The following RAI1 variants were observed in gnomAD, a reference collection of about 807,000 sequenced individuals.
The protein encoded by RAI1 is retinoic acid-induced protein 1.
A neutral mutation model predicts 123.8 loss-of-function variants in RAI1; 9 were observed. That is an observed-to-expected ratio of 0.07 (90% CI 0.04 to 0.13). The LOEUF (loss-of-function observed/expected upper bound fraction) is 0.13. Among genes scored for constraint, RAI1 ranks in the 10% least tolerant of loss-of-function variants. RAI1 has a pLI of 1.00. For missense variants in RAI1, 2,256 were observed against 2,545.8 expected, an observed-to-expected ratio of 0.89 and a Z score of 2.45; for synonymous variants, 1,231 against 1,127.3, an observed-to-expected ratio of 1.09 and a Z score of -1.84.
Position 17,796,673 on chromosome 17 carries a change from G to A in RAI1, c.3725G>A (p.Arg1242Gln), listed in dbSNP as rs370850432. 2.9e-5 allele frequency: 46 copies of A among 1,612,690 alleles called. No individual in the cohort carries two copies. Among genetic ancestry groups the A allele is most frequent in the East Asian group, 4.5e-5 (2 of 44,868 alleles). Reference sequence around the variant, plus strand: ...ACCAAGAAGCGGAACCTGGTCTTGCGGAGCCGCAGCAGCAGCAGCAGCAAC... The same window carrying A: ...ACCAAGAAGCGGAACCTGGTCTTGCAGAGCCGCAGCAGCAGCAGCAGCAAC... ...VPTKKRNLVLRSRSSSSSNAS... is the reference protein window; with the variant it reads ...VPTKKRNLVLQSRSSSSSNAS... The change falls in exon 3 of 6, where the codon CGG becomes CAG. Residue 1242 changes from arginine to glutamine, a missense_variant. Transcript: ENST00000353383. This position sits in a 1 kb window ranked among gnomAD's most constrained non-coding sequence, Gnocchi z 5.8.
At chr17:17,752,690 C>G (rs1348024012) in intron 2 of RAI1, among the ~76,000 whole-genome samples, 1 of 152,210 alleles carries the variant, frequency 6.6e-6, no homozygotes, top group Non-Finnish European at 1.5e-5. Flanking sequence ...GACCACCTTA[C>G]TTGCCACGCT....
At chr17:17,730,521 A>C (rs553041263) in intron 2 of RAI1, among the ~76,000 whole-genome samples, 12 of 152,348 alleles carry the variant, frequency 7.9e-5, no homozygotes, top group Non-Finnish European at 1.8e-4. Flanking sequence ...AGATGTTGAC[A>C]TGACACTTCC....
At chr17:17,713,211 A>G (rs1198787594) in intron 1 of RAI1, among the ~76,000 whole-genome samples, 1 of 152,226 alleles carries the variant, frequency 6.6e-6, no homozygotes, top group Non-Finnish European at 1.5e-5. Flanking sequence ...TTGGATGCAC[A>G]TAGAAAACAT....
chr17:17,762,249 C>A (rs1005015495), intron 2 of RAI1, among the ~76,000 whole-genome samples: 1 of 152,030 alleles, frequency 6.6e-6, no homozygotes, highest in Non-Finnish European at 1.5e-5. Context: ...GGGAGGGCTT[C>A]TCAGATGAGG....
chr17:17,742,752 C>A lies in RAI1; in HGVS notation c.-17+18593C>A, dbSNP rs2142971924. On this transcript the variant is annotated intron_variant, in intron 2 of 5. Coordinates refer to ENST00000353383, the MANE Select transcript of RAI1 (RefSeq NM_030665.4). ...AGACCTTCCTCCAGGCTCTGGGAAT[C>A]CCCTGCATTTCTTATCTGGTTTGGG... Among the ~76,000 whole-genome samples the A allele has an allele frequency of 2.6e-5, 4 of 152,284 alleles. No homozygotes were observed. The South Asian group carries it at 8.3e-4, about 32-fold the overall frequency.
Position 17,794,418 on chromosome 17 carries a change from C to A in RAI1, c.1470C>A (p.Ala490=). The change falls in exon 3 of 6, where the codon GCC becomes GCA. Residue 490 remains alanine, a synonymous_variant. Transcript: ENST00000353383. ...HCSPEGSGYS[A]EPAGTPLSEP... ...GCCCCGAAGGGAGCGGCTACTCAGC[C>A]GAGCCCGCAGGCACACCGCTGTCAG... The A allele has an allele frequency of 6.2e-7, 1 of 1,613,002 alleles. No homozygotes were observed. Among genetic ancestry groups the A allele is most frequent in the South Asian group, 1.1e-5 (1 of 91,092 alleles).
chr17:17,786,592 AGTT>A (rs1268934774), intron 2 of RAI1, among the ~76,000 whole-genome samples: 1 of 152,252 alleles, frequency 6.6e-6, no homozygotes, highest in African/African-American at 2.4e-5. Context: ...GAAGCTGTGT[AGTT>A]ATCTGGGAGT....
intron 1 of RAI1, among the ~76,000 whole-genome samples, chr17:17,691,217 T>TG (rs1337020016): frequency 1.3e-5 from 2 of 152,146 alleles, no homozygotes; most frequent in African/African-American, 4.8e-5. Flanking sequence ...TTGTCTCAGC[T>TG]GGGGAGGTGC....
Position 17,797,702 on chromosome 17 carries a change from G to C in RAI1, c.4754G>C (p.Arg1585Pro). Residue 1585 changes from arginine (R) to proline (P), a missense_variant, in exon 3 of 6, where the codon CGG becomes CCG. Transcript: ENST00000353383. ...CTCAAGTACATTTCCTCTTGCAAGC[G>C]GCTGAGGTCAGACAGCCGGACCCCC... Reference protein sequence around the residue: ...IRLKYISSCKRLRSDSRTPAF... With the variant: ...IRLKYISSCKPLRSDSRTPAF... 1.9e-6 allele frequency: 3 copies of C among 1,613,408 alleles called. No homozygotes were observed. Among genetic ancestry groups the C allele is most frequent in the African/African-American group, 2.7e-5 (2 of 75,052 alleles).
chr17:17,771,647 C>A (rs2031162472), intron 2 of RAI1, among the ~76,000 whole-genome samples: 1 of 152,216 alleles, frequency 6.6e-6, no homozygotes, highest in Non-Finnish European at 1.5e-5. Context: ...CCACCGCCTC[C>A]CGCCTTTGTT....
In RAI1 at chr17:17,797,203, T is replaced by G; in HGVS notation, c.4255T>G (p.Ser1419Ala). The change falls in exon 3 of 6, where the codon TCT (serine) becomes GCT (alanine). Residue 1419 changes from serine to alanine, a missense_variant. Ser to Ala is a moderately conservative substitution (Grantham distance 99). Transcript: ENST00000353383. ...KGKLMNSKKL[S>A]STDCFKTEAF... Reference sequence around the variant, plus strand: ...CAAACTCATGAACAGTAAGAAACTGTCTTCTACTGACTGTTTCAAAACCGA... The same window carrying G: ...CAAACTCATGAACAGTAAGAAACTGGCTTCTACTGACTGTTTCAAAACCGA... 1 of 1,613,750 alleles carries G rather than the reference T, an allele frequency of 6.2e-7. No homozygotes were observed.
chr17:17,751,106 C>T (rs2030151630), intron 2 of RAI1, among the ~76,000 whole-genome samples: 1 of 152,228 alleles, frequency 6.6e-6, no homozygotes, highest in African/African-American at 2.4e-5. Context: ...GTTGGCCTTT[C>T]TGCCCCTTAG....
At chr17:17,732,888 A>T (rs1916314297) in intron 2 of RAI1, among the ~76,000 whole-genome samples, 1 of 152,158 alleles carries the variant, frequency 6.6e-6, no homozygotes. Flanking sequence ...GGGCTTGAGC[A>T]CATAGGCCAG....
At chr17:17,803,660 A>C (rs2032532964) in intron 3 of RAI1, 96 bp from the exon 4 acceptor site, 1 of 1,157,244 alleles carries the variant, frequency 8.6e-7, no homozygotes. Context: ...TGCTGGGATT[A>C]CAGGCATGAG....
intron 2 of RAI1, among the ~76,000 whole-genome samples, chr17:17,768,641 G>A (rs2031028927): frequency 6.6e-6 from 1 of 152,250 alleles, no homozygotes; most frequent in African/African-American, 2.4e-5. Flanking sequence ...GCTGTGTGGA[G>A]TGCCAGCCAG....
chr17:17,695,281 C>G (rs1212827919), intron 1 of RAI1, among the ~76,000 whole-genome samples: 5 of 152,208 alleles, frequency 3.3e-5, no homozygotes, highest in Non-Finnish European at 7.3e-5. Context: ...CGGTCCAGGC[C>G]TGGACCCTGC....
intron 2 of RAI1, among the ~76,000 whole-genome samples, chr17:17,791,878 CCAGGATTCTGCTCTGCAGGCAGGGG>C (rs1478279635): frequency 1.3e-5 from 2 of 152,156 alleles, no homozygotes; most frequent in Non-Finnish European, 2.9e-5. Flanking sequence ...CTTTCCTGAC[CCAGGATTCTGCTCTGCAGGCAGGGG>C]CAGGTTAGAC....
chr17:17,740,403 A>C (rs1266363691), intron 2 of RAI1, among the ~76,000 whole-genome samples: 1 of 152,176 alleles, frequency 6.6e-6, no homozygotes, highest in Non-Finnish European at 1.5e-5. Flanking sequence ...CCACCTCTGG[A>C]GAGTTGGGGG....
intron 2 of RAI1, among the ~76,000 whole-genome samples, chr17:17,783,093 C>T (rs2031665606): frequency 2.3e-5 from 2 of 88,446 alleles, no homozygotes; most frequent in African/African-American, 8.7e-5. Flanking sequence ...CCCGCGGTCC[C>T]CGCGCAGGCG....
Sources: gnomAD v4.1 joint callset for allele counts (sites outside exome capture counted in the v4.1 genomes callset) on GRCh38, gnomAD v4.1.1 for gene constraint, Gnocchi (gnomAD v3.1) non-coding constraint, MANE v1.5 for transcripts, NCBI Gene and HGNC (gene_info 2026-07-23, HGNC 2026-07-21) for gene names.